The following ADGRL2 variants were observed in gnomAD, a reference collection of about 807,000 sequenced individuals.
The protein encoded by ADGRL2 is calcium-independent alpha-latrotoxin receptor 2.
In ADGRL2, 44 loss-of-function variants were observed where a neutral mutation model predicts 157.4. That is an observed-to-expected ratio of 0.28 (90% CI 0.22 to 0.36). The LOEUF is 0.36. Among genes scored for constraint, ADGRL2 ranks in the 10% least tolerant of loss-of-function variants. ADGRL2 has a pLI of 1.00. For synonymous variants in ADGRL2, 585 were observed against 624.7 expected (o/e 0.94, Z 0.95); for missense variants, 1,510 against 1,768.9 (o/e 0.85, Z 2.63).
chr1:81,386,238 T>G (rs1170157455), intron 1 of ADGRL2, among the ~76,000 whole-genome samples: 1 of 152,278 alleles, frequency 6.6e-6, no homozygotes, highest in Non-Finnish European at 1.5e-5. Flanking sequence ...CAGTCTCTTT[T>G]ATAAAGGACC....
In ADGRL2 at chr1:81,752,018, A is replaced by T. The variant is rs554087483; in HGVS notation, c.-142-9793A>T. On this transcript the variant is annotated intron_variant, in intron 1 of 20. Transcript: ENST00000359929. Reference sequence around the variant, plus strand: ...TTATAATACAGTTTGCTATGGTCTGAATGTTTATGTTCTCCCCCAAATTCA... The same window carrying T: ...TTATAATACAGTTTGCTATGGTCTGTATGTTTATGTTCTCCCCCAAATTCA... Among the ~76,000 whole-genome samples the T allele has an allele frequency of 6.6e-5, 10 of 152,236 alleles. No homozygotes were observed. The East Asian group carries it at 1.9e-3, about 29-fold the overall frequency.
At chr1:81,868,741 T>C (rs756625429) in intron 2 of ADGRL2, among the ~76,000 whole-genome samples, 17 of 152,146 alleles carry the variant, frequency 1.1e-4, no homozygotes, top group Non-Finnish European at 2.5e-4. Context: ...GCTTCTTCTT[T>C]AGCACTTATT....
At chr1:81,958,181 T>C (rs1173391928) in intron 11 of ADGRL2, among the ~76,000 whole-genome samples, 1 of 151,620 alleles carries the variant, frequency 6.6e-6, no homozygotes, top group Non-Finnish European at 1.5e-5. Context: ...CCCTCGAACC[T>C]GGGAGGCAGA....
chr1:81,354,252 A>T (rs1280972699), intron 1 of ADGRL2, among the ~76,000 whole-genome samples: 1 of 152,218 alleles, frequency 6.6e-6, no homozygotes, highest in Non-Finnish European at 1.5e-5. Flanking sequence ...TAGGGCAAAT[A>T]AATCTTAGAG....
chr1:81,990,669 G>A lies in ADGRL2; in HGVS notation c.3934G>A (p.Val1312Met), dbSNP rs748755054. 3 of 1,614,158 alleles carry A rather than the reference G, an allele frequency of 1.9e-6. No homozygotes were observed. Among genetic ancestry groups the A allele is most frequent in the East Asian group, 2.2e-5 (1 of 44,872 alleles). ...GGSSSEDDAI[V>M]ADASSLMHSD... The stretch of plus-strand genomic sequence containing the variant: ...TAGCAGCAGTGAAGATGATGCTATT[G>A]TGGCAGATGCTTCATCTTTAATGCA... The change falls in exon 24 of 24, where the codon GTG (valine) becomes ATG (methionine). Residue 1312 changes from valine to methionine, a missense_variant. Around this residue, in one of 4 missense-constraint regions of ADGRL2, gnomAD observed 327 missense variants for 310.1 expected, o/e 1.05. Transcript: ENST00000686636.
At chr1:81,745,053 G>C (rs1052625077) in intron 1 of ADGRL2, among the ~76,000 whole-genome samples, 1 of 152,134 alleles carries the variant, frequency 6.6e-6, no homozygotes, top group African/African-American at 2.4e-5. Context: ...GGGACTGCAA[G>C]TCACCCAGTC....
At chr1:81,925,988 C>A (rs1348067206) in intron 3 of ADGRL2, among the ~76,000 whole-genome samples, 1 of 152,014 alleles carries the variant, frequency 6.6e-6, no homozygotes, top group Non-Finnish European at 1.5e-5. Flanking sequence ...ATCTAGTTTA[C>A]TCAATTCTGC....
intron 3 of ADGRL2, chr1:81,596,410 C>G: frequency 2.1e-6 from 1 of 471,486 alleles, no homozygotes; most frequent in South Asian, 1.7e-5. Flanking sequence ...CACACCTTCT[C>G]CAGAGATTTT....
intron 1 of ADGRL2, among the ~76,000 whole-genome samples, chr1:81,747,708 T>A (rs1047596188): frequency 3.0e-4 from 32 of 107,430 alleles, no homozygotes; most frequent in Admixed American, 5.1e-4. Flanking sequence ...TGTTTGTGTG[T>A]GTGTGTGTGT....
At chr1:81,810,802 C>T (rs1019367987) in intron 1 of ADGRL2, among the ~76,000 whole-genome samples, 2 of 151,766 alleles carry the variant, frequency 1.3e-5, no homozygotes, top group African/African-American at 2.4e-5. Flanking sequence ...AATTCTAAAA[C>T]ACGTCACTTT....
intron 2 of ADGRL2, among the ~76,000 whole-genome samples, chr1:81,784,425 A>T (rs538315290): frequency 6.6e-6 from 1 of 152,278 alleles, no homozygotes; most frequent in South Asian, 2.1e-4. Flanking sequence ...TACAGCTATG[A>T]ATAGTACTGA....
In ADGRL2 at chr1:81,952,159, T is replaced by C; in HGVS notation, c.1794+17T>C. The C allele has an allele frequency of 1.3e-6, 2 of 1,578,544 alleles. No homozygotes were observed. The highest frequency in any genetic ancestry group is 1.7e-6 in the Non-Finnish European group (2 of 1,159,190). On this transcript the variant is annotated intron_variant, in intron 9 of 23. Transcript: ENST00000686636. The stretch of plus-strand genomic sequence containing the variant: ...TATAACAAGGTAGAGAGAACTCTTC[T>C]GTTATTTTGAATTAGACACTTGGTA...
At chr1:81,775,505 T>C (rs1221855028) in intron 2 of ADGRL2, among the ~76,000 whole-genome samples, 1 of 151,992 alleles carries the variant, frequency 6.6e-6, no homozygotes, top group Non-Finnish European at 1.5e-5. Context: ...TACCAAACAT[T>C]ATATAATCTG....
intron 2 of ADGRL2, among the ~76,000 whole-genome samples, chr1:81,578,203 A>C (rs1307667379): frequency 6.6e-6 from 1 of 152,184 alleles, no homozygotes. Flanking sequence ...CTTATCTCAC[A>C]GGTAATGCTT....
intron 1 of ADGRL2, among the ~76,000 whole-genome samples, chr1:81,828,299 A>G (rs902650988): frequency 4.6e-5 from 7 of 152,324 alleles, no homozygotes; most frequent in East Asian, 1.9e-4. Context: ...GACTGTCTCA[A>G]TCTGCATAAA....
intron 3 of ADGRL2, among the ~76,000 whole-genome samples, chr1:81,682,007 T>C (rs1417241342): frequency 2.0e-5 from 3 of 152,170 alleles, no homozygotes; most frequent in Non-Finnish European, 4.4e-5. Context: ...AATACATCTG[T>C]TTGGCTACAA....
At chr1:81,724,621 G>A (rs1258435454) in intron 1 of ADGRL2, among the ~76,000 whole-genome samples, 3 of 151,972 alleles carry the variant, frequency 2.0e-5, no homozygotes, top group Non-Finnish European at 4.4e-5. Flanking sequence ...ACTATGTATA[G>A]ACATCGTACC....
intron 2 of ADGRL2, among the ~76,000 whole-genome samples, chr1:81,488,122 A>T (rs2078548801): frequency 6.6e-6 from 1 of 151,528 alleles, no homozygotes; most frequent in South Asian, 2.1e-4. Context: ...TTTCCCCTTT[A>T]TTTTTATTTT....
At chr1:81,799,157 G>C (rs1353828970), upstream of ADGRL2, among the ~76,000 whole-genome samples, 1 of 152,148 alleles carries the variant, frequency 6.6e-6, no homozygotes, top group African/African-American at 2.4e-5. Flanking sequence ...TCTGTTGTAT[G>C]TATGTATTTT....
Sources: gnomAD v4.1 joint callset for allele counts (sites outside exome capture counted in the v4.1 genomes callset) on GRCh38, gnomAD v4.1.1 for gene constraint, gnomAD v4.1.1 regional missense constraint, MANE v1.5 for transcripts, NCBI Gene and HGNC (gene_info 2026-07-23, HGNC 2026-07-21) for gene names.